The following KCND3 variants were observed in gnomAD, a reference collection of about 807,000 sequenced individuals.
The protein encoded by KCND3 is potassium voltage-gated channel subfamily D member 3.
In KCND3, 9 loss-of-function variants were observed where a neutral mutation model predicts 51.1. That is an observed-to-expected ratio of 0.18 (90% confidence interval 0.11 to 0.31). The LOEUF (loss-of-function observed/expected upper bound fraction) is 0.31. Ranked by LOEUF, KCND3 falls within the 10% of genes least tolerant of loss-of-function variation. The pLI is 1.00. For missense variants in KCND3, 526 were observed against 903.8 expected (o/e 0.58, Z 5.36); for synonymous variants, 349 against 368.0 (o/e 0.95, Z 0.59).
At chr1:111,849,515 C>T (rs1016423634) in intron 2 of KCND3, among the ~76,000 whole-genome samples, 2 of 152,228 alleles carry the variant, frequency 1.3e-5, no homozygotes, top group Non-Finnish European at 2.9e-5. Context: ...CCCTGAGTCC[C>T]TCTACCCCTG....
At chr1:111,868,172 C>T (rs1668661890) in intron 2 of KCND3, among the ~76,000 whole-genome samples, 1 of 152,148 alleles carries the variant, frequency 6.6e-6, no homozygotes, top group South Asian at 2.1e-4. Context: ...ATAGACAATT[C>T]ATAAGTTTTA....
chr1:111,853,567 A>G (rs189733844), intron 2 of KCND3, among the ~76,000 whole-genome samples: 1 of 152,154 alleles, frequency 6.6e-6, no homozygotes, highest in Non-Finnish European at 1.5e-5. Context: ...CCGGCACTCC[A>G]TAGCCTCATT....
chr1:111,788,128 C>T lies in KCND3; in HGVS notation c.1107-1022G>A, dbSNP rs559569365. ...GTTGGCCTGGATCCTACTCAGTCTTCGGCATGCAGGCCAGAGCCTCTGTCC... is the reference window on the plus strand; with the variant it reads ...GTTGGCCTGGATCCTACTCAGTCTTTGGCATGCAGGCCAGAGCCTCTGTCC... On this transcript the variant is annotated intron_variant, in intron 2 of 7. Transcript: ENST00000302127. 5.9e-5 allele frequency among the ~76,000 whole-genome samples: 9 copies of T among 152,340 alleles called. No individual in the cohort carries two copies. In the East Asian group the frequency reaches 7.7e-4, roughly 13 times the overall value.
intron 2 of KCND3, among the ~76,000 whole-genome samples, chr1:111,958,043 A>G (rs1365029447): frequency 1.3e-5 from 2 of 152,160 alleles, no homozygotes; most frequent in Non-Finnish European, 2.9e-5. Flanking sequence ...TGTAGCAGGA[A>G]TCACTAGTAC....
At chr1:111,836,740 G>GGTTGATGTTAT (rs557268658) in intron 2 of KCND3, among the ~76,000 whole-genome samples, 31,018 of 151,852 alleles carry the variant, frequency 0.2, 3,268 homozygotes, top group African/African-American at 0.23. Flanking sequence ...CGACCCCTGA[G>GGTTGATGTTAT]CCATTTTATG....
intron 2 of KCND3, among the ~76,000 whole-genome samples, chr1:111,832,857 T>C (rs1176077774): frequency 6.6e-6 from 1 of 152,244 alleles, no homozygotes; most frequent in Admixed American, 6.5e-5. Context: ...CTGTGAAGAC[T>C]GATGGGCTTC....
chr1:111,827,447 G>A (rs935926055), intron 2 of KCND3, among the ~76,000 whole-genome samples: 1 of 152,206 alleles, frequency 6.6e-6, no homozygotes, highest in African/African-American at 2.4e-5. Context: ...ATTGCCAGGG[G>A]TCCCAGGACA....
intron 2 of KCND3, among the ~76,000 whole-genome samples, chr1:111,887,830 T>G (rs1669637376): frequency 6.6e-6 from 1 of 152,204 alleles, no homozygotes; most frequent in Admixed American, 6.5e-5. Flanking sequence ...GAGAAGGACT[T>G]GTCATTTGGA....
chr1:111,885,296 C>G (rs2813862), intron 2 of KCND3, among the ~76,000 whole-genome samples: 122,065 of 152,122 alleles, frequency 0.8, 49,420 homozygotes, highest in East Asian at 1. Flanking sequence ...AAACCTCCAG[C>G]CTCTACTAAC....
chr1:111,780,430 T>G lies in KCND3; in HGVS notation c.1372-116A>C. 2.7e-6 allele frequency: 3 copies of G among 1,101,946 alleles called. No homozygotes were observed. Among genetic ancestry groups the G allele is most frequent in the Non-Finnish European group, 4.1e-6 (3 of 740,692 alleles). The allele number at this position is 1,101,946 out of a possible 1,614,324, so 68.3% of individuals were successfully genotyped here. A position where few individuals can be genotyped will look rare whatever the true frequency, so the allele number is the denominator to read the frequency against. ...TAGAATAATCAAATTTTTTTTTATTTGACCAAATTTCAGGGTCAGCATTGA... is the reference window on the plus strand; with the variant it reads ...TAGAATAATCAAATTTTTTTTTATTGGACCAAATTTCAGGGTCAGCATTGA... On this transcript the variant is annotated intron_variant, in intron 4 of 7. Transcript: ENST00000302127. This position sits in a 1 kb window ranked among gnomAD's most constrained non-coding sequence, Gnocchi z 4.2.
intron 2 of KCND3, among the ~76,000 whole-genome samples, chr1:111,819,372 G>A (rs1443925009): frequency 2.7e-5 from 4 of 150,754 alleles, no homozygotes; most frequent in African/African-American, 9.8e-5. Flanking sequence ...GATTAGAGAT[G>A]TGAAGCCAAA....
chr1:111,967,410 T>A (rs916411342), intron 2 of KCND3, among the ~76,000 whole-genome samples: 3 of 152,162 alleles, frequency 2.0e-5, no homozygotes, highest in Non-Finnish European at 4.4e-5. Flanking sequence ...ACGAGAGGCA[T>A]CCAGGGAGCT....
chr1:111,977,332 C>T (rs1172373944), intron 2 of KCND3, among the ~76,000 whole-genome samples: 1 of 152,216 alleles, frequency 6.6e-6, no homozygotes, highest in Non-Finnish European at 1.5e-5. Context: ...GTATTGATCT[C>T]CCAGGCTTAG....
chr1:111,923,806 T>C (rs1049370091), intron 2 of KCND3, among the ~76,000 whole-genome samples: 5 of 152,188 alleles, frequency 3.3e-5, no homozygotes, highest in African/African-American at 4.8e-5. Context: ...GTCAGTTGAC[T>C]TAGGGCCACC....
chr1:111,865,168 T>C (rs1668502283), intron 2 of KCND3, among the ~76,000 whole-genome samples: 1 of 152,242 alleles, frequency 6.6e-6, no homozygotes, highest in African/African-American at 2.4e-5. Flanking sequence ...TCCTTATTAT[T>C]AATAGTTATT....
intron 2 of KCND3, among the ~76,000 whole-genome samples, chr1:111,920,362 A>G (rs6682872): frequency 0.35 from 52,760 of 152,150 alleles, 9,367 homozygotes; most frequent in Non-Finnish European, 0.39. Flanking sequence ...CACACTCCCC[A>G]CACTGAAGAA....
At chr1:111,861,167 G>A (rs1668322658) in intron 2 of KCND3, among the ~76,000 whole-genome samples, 1 of 152,188 alleles carries the variant, frequency 6.6e-6, no homozygotes, top group Non-Finnish European at 1.5e-5. Context: ...GGAGGAAGGG[G>A]GGCGGGGCGT....
chr1:111,826,328 T>G (rs990136099), intron 2 of KCND3, among the ~76,000 whole-genome samples: 3 of 152,228 alleles, frequency 2.0e-5, no homozygotes, highest in African/African-American at 7.2e-5. Flanking sequence ...TTTTCTTCCT[T>G]GTTGGAAGTA....
intron 2 of KCND3, among the ~76,000 whole-genome samples, chr1:111,917,584 C>T (rs558697974): frequency 3.9e-5 from 6 of 152,254 alleles, no homozygotes; most frequent in African/African-American, 7.2e-5. Context: ...ATGTAGGAAT[C>T]GGGGAGGGCC....
Sources: allele counts gnomAD v4.1 joint callset (sites outside exome capture counted in the v4.1 genomes callset), GRCh38; gene constraint gnomAD v4.1.1; non-coding constraint Gnocchi (gnomAD v3.1); transcripts MANE v1.5; gene names NCBI Gene and HGNC (gene_info 2026-07-23, HGNC 2026-07-21).